The following ELP2 variants were observed in gnomAD, a reference collection of about 807,000 sequenced individuals.
ELP2 encodes the protein elongator acetyltransferase complex subunit 2.
ELP2 carries 90 observed loss-of-function variants against 119.2 expected under a neutral mutation model. The ratio of observed to expected loss-of-function variants is 0.75; its 90% CI spans 0.64 to 0.90. The LOEUF is 0.90. Among genes scored for constraint, ELP2 ranks in the 40% least tolerant of loss-of-function variants. ELP2 has a pLI of 0.00. For missense variants in ELP2, 921 were observed against 967.8 expected (o/e 0.95, Z 0.64); for synonymous variants, 339 against 331.0 (o/e 1.02, Z -0.26).
chr18:36,136,287 T>C lies in ELP2; in HGVS notation c.218-20T>C. 1 of 1,573,204 alleles carries C rather than the reference T, an allele frequency of 6.4e-7. No individual in the cohort carries two copies. The highest frequency in any genetic ancestry group is 1.1e-5 in the South Asian group (1 of 90,242). The stretch of plus-strand genomic sequence containing the variant: ...AGAAAAAATGAATAAAGATATTTAC[T>C]GAGATATAATTTTTTTCAGCCCCTT... On this transcript the variant is annotated intron_variant, in intron 2 of 21. Transcript: ENST00000358232.
At chr18:36,162,358 ATTGT>A (rs2090767077) in intron 17 of ELP2, among the ~76,000 whole-genome samples, 1 of 152,022 alleles carries the variant, frequency 6.6e-6, no homozygotes, top group Non-Finnish European at 1.5e-5. Context: ...TTTCATCATA[ATTGT>A]TTGAGATTTA....
At chr18:36,159,689 G>C in intron 14 of ELP2, 46 bp from the exon 15 acceptor site, 2 of 1,380,476 alleles carry the variant, frequency 1.4e-6, no homozygotes, top group Non-Finnish European at 2.1e-6. Context: ...AAGTGAAGGA[G>C]ATATAAAAAT....
At chr18:36,145,060 C>A in intron 9 of ELP2, 26 bp downstream of exon 9, 3 of 1,544,376 alleles carry the variant, frequency 1.9e-6, no homozygotes, top group African/African-American at 1.4e-5. Context: ...TACACATATC[C>A]CTTACTCCAG....
At chr18:36,142,103 G>C (rs1202779381) in intron 6 of ELP2, among the ~76,000 whole-genome samples, 178 bp from the exon 7 acceptor site, 1 of 152,168 alleles carries the variant, frequency 6.6e-6, no homozygotes, top group Non-Finnish European at 1.5e-5. Flanking sequence ...TCCAGTTAGT[G>C]ATTTAGATAT....
intron 2 of ELP2, among the ~76,000 whole-genome samples, chr18:36,135,188 A>G (rs1193702082): frequency 6.6e-6 from 1 of 152,234 alleles, no homozygotes; most frequent in Non-Finnish European, 1.5e-5. Context: ...TTCCGTTTAA[A>G]AGTGAGGTTA....
In ELP2 at chr18:36,169,652, T is replaced by A. The variant is rs537764286; in HGVS notation, c.2077-411T>A. Among the ~76,000 whole-genome samples, 12 of 152,264 alleles carry A rather than the reference T, an allele frequency of 7.9e-5. No individual in the cohort carries two copies. In the South Asian group the frequency reaches 1.2e-3, roughly 16 times the overall value. On this transcript the variant is annotated intron_variant, in intron 19 of 21. Coordinates refer to ENST00000358232, the MANE Select transcript of ELP2 (RefSeq NM_018255.4). ...ATCCACCCACCTCGGCCTCCCAGAA[T>A]GCTGGGATTACAGGCATGAGCCACC...
chr18:36,158,832 T>G lies in ELP2; in HGVS notation c.1465-3T>G. 6.3e-7 allele frequency: 1 copy of G among 1,578,200 alleles called. No homozygotes were observed. Among genetic ancestry groups the G allele is most frequent in the Non-Finnish European group, 8.7e-7 (1 of 1,147,782 alleles). On this transcript the variant is annotated splice_region_variant and splice_polypyrimidine_tract_variant and intron_variant, in intron 13 of 21. Coordinates refer to ENST00000358232, the MANE Select transcript of ELP2 (RefSeq NM_018255.4). Reference sequence around the variant, plus strand: ...AACTTAGATATTATATTTTCTATTCTAGCAAGATAGTGATCTTCCAGAAGG... The same window carrying G: ...AACTTAGATATTATATTTTCTATTCGAGCAAGATAGTGATCTTCCAGAAGG...
intron 5 of ELP2, 118 bp downstream of exon 5, chr18:36,138,990 A>ATTC: frequency 6.2e-6 from 5 of 809,690 alleles, no homozygotes; most frequent in Non-Finnish European, 8.6e-6. Flanking sequence ...TCTATGAAAC[A>ATTC]AGATGTGAAT....
chr18:36,174,721 C>A lies in ELP2; in HGVS notation c.*80C>A. 2 of 1,390,658 alleles carry A rather than the reference C, an allele frequency of 1.4e-6. No homozygotes were observed. Among genetic ancestry groups the A allele is most frequent in the Non-Finnish European group, 2.0e-6 (2 of 1,001,236 alleles). The allele number at this position is 1,390,658 out of a possible 1,614,324, so 86.1% of individuals were successfully genotyped here. The stretch of plus-strand genomic sequence containing the variant: ...AAACAGGTCATCTTTACCTTCATAA[C>A]TGAATTGAGTTTCTGGGTTTTTTTT... On this transcript the variant is annotated 3_prime_UTR_variant, in exon 22 of 22. Transcript: ENST00000358232.
rs1040847457 is a variant in ELP2, at chr18:36,167,082, G to A, written c.1955-19G>A. On this transcript the variant is annotated intron_variant, in intron 18 of 21. Transcript: ENST00000358232. ...CAGCTTTCTCTGCTTTGTGAATAGT[G>A]TATACATATTTCTTTCAGAGCCAGT... The A allele has an allele frequency of 4.4e-6, 7 of 1,593,816 alleles. No individual in the cohort carries two copies. The highest frequency in any genetic ancestry group is 6.0e-6 in the Non-Finnish European group (7 of 1,171,004).
At position 36,180,513 on chromosome 18, in the gene ELP2, C is replaced by T. The variant is rs1255256459; in HGVS notation, c.*5872C>T. On this transcript the variant is annotated 3_prime_UTR_variant, in exon 22 of 22. Transcript: ENST00000358232. ...TAAATAAGACAGCAGTAATTTGTAT[C>T]TGGTACTATTATGATTAAATAAAGC... The T allele has an allele frequency of 6.6e-6, 1 of 152,222 alleles. No individual in the cohort carries two copies. The highest frequency in any genetic ancestry group is 1.9e-4 in the East Asian group (1 of 5,204). 9.4% of individuals were successfully genotyped at this position (152,222 alleles called of 1,614,324 possible). A position where few individuals can be genotyped will look rare whatever the true frequency, so the allele number is the denominator to read the frequency against.
At chr18:36,155,909 A>G (rs2090558143) in intron 12 of ELP2, among the ~76,000 whole-genome samples, 1 of 152,246 alleles carries the variant, frequency 6.6e-6, no homozygotes, top group Non-Finnish European at 1.5e-5. Context: ...AACAAAATGT[A>G]AAAGATAGAT....
rs1327697110 is a variant in ELP2 at position 36,164,499 on chromosome 18, A to T, written c.1786A>T (p.Ile596Phe). 9 of 1,613,982 alleles carry T rather than the reference A, an allele frequency of 5.6e-6. No homozygotes were observed. The highest frequency in any genetic ancestry group is 4.0e-5 in the African/African-American group (3 of 74,936). ...GGCAGCTAAGAAAGAGCATGCAGCT[A>T]TCATTCTTTGGAACACTACATCTTG... ...CKAAKKEHAA[I>F]ILWNTTSWKQ... Residue 596 changes from isoleucine (I) to phenylalanine (F), a missense_variant, in exon 18 of 22, where the codon ATC becomes TTC. Physicochemically the swap from Ile to Phe is conservative, Grantham distance 21. Transcript: ENST00000358232.
At chr18:36,151,095 C>CT in intron 11 of ELP2, among the ~76,000 whole-genome samples, 1 of 118,284 alleles carries the variant, frequency 8.5e-6, no homozygotes, top group Non-Finnish European at 1.8e-5. Context: ...TTTTTTTTCT[C>CT]TTTTTTTGAG....
At chr18:36,160,279 TA>T (rs2090695013) in intron 16 of ELP2, among the ~76,000 whole-genome samples, 1 of 152,038 alleles carries the variant, frequency 6.6e-6, no homozygotes, top group African/African-American at 2.4e-5. Context: ...ATTTTTTCTT[TA>T]TTAAGAAGAC....
At chr18:36,160,879 G>A in intron 16 of ELP2, 53 bp from the exon 17 acceptor site, 1 of 1,186,990 alleles carries the variant, frequency 8.4e-7, no homozygotes, top group African/African-American at 1.5e-5. Context: ...AAATTGTGTG[G>A]CATGAGAATA....
intron 11 of ELP2, among the ~76,000 whole-genome samples, chr18:36,149,407 C>A (rs1307787442): frequency 6.6e-6 from 1 of 151,604 alleles, no homozygotes; most frequent in East Asian, 1.9e-4. Context: ...AAGGTACAAC[C>A]GTACAACCCA....
At chr18:36,138,909 A>G (rs768018753) in intron 5 of ELP2, 37 bp downstream of exon 5, 15 of 1,430,954 alleles carry the variant, frequency 1.0e-5, no homozygotes, top group Non-Finnish European at 1.4e-5. Context: ...AAAGGGCAGT[A>G]TATTTGCATA....
rs143162864 is a variant in ELP2, at chr18:36,160,969, A to T, written c.1726A>T (p.Asn576Tyr). The change falls in exon 17 of 22, where the codon AAC becomes TAC. Residue 576 changes from asparagine (N) to tyrosine (Y), a missense_variant. Transcript: ENST00000358232. ...TTATGAAATATTTTGTGTTACTTGTAACAGTTCAAAGACTCTGCTTGCCTC... is the reference window on the plus strand; with the variant it reads ...TTATGAAATATTTTGTGTTACTTGTTACAGTTCAAAGACTCTGCTTGCCTC... ...HGYEIFCVTC[N>Y]SSKTLLASAC... 4.3e-6 allele frequency: 7 copies of T among 1,613,766 alleles called. No individual in the cohort carries two copies. Among genetic ancestry groups the T allele is most frequent in the Non-Finnish European group, 5.1e-6 (6 of 1,179,754 alleles).
Sources: gnomAD v4.1 joint callset for allele counts (sites outside exome capture counted in the v4.1 genomes callset) on GRCh38, gnomAD v4.1.1 for gene constraint, MANE v1.5 for transcripts, NCBI Gene and HGNC (gene_info 2026-07-23, HGNC 2026-07-21) for gene names.